The following EML6 variants were observed in gnomAD, a reference collection of about 807,000 sequenced individuals.
EML6 encodes the protein echinoderm microtubule-associated protein-like 6.
EML6 carries 154 observed loss-of-function variants against 240.1 expected under a neutral mutation model. That is an observed-to-expected ratio of 0.64 (90% CI 0.56 to 0.73). The LOEUF (loss-of-function observed/expected upper bound fraction) is 0.73. Ranked by LOEUF, EML6 falls within the 30% of genes least tolerant of loss-of-function variation. The probability of loss-of-function intolerance (pLI) is 0.00; values close to 1 mark genes in which losing one functional copy is unlikely to be tolerated. For missense variants in EML6, 2,964 were observed against 2,474.6 expected, an observed-to-expected ratio of 1.20 and a Z score of -4.20; for synonymous variants, 1,148 against 899.0, an observed-to-expected ratio of 1.28 and a Z score of -4.95.
intron 7 of EML6, among the ~76,000 whole-genome samples, chr2:54,836,690 A>G (rs1219927398): frequency 6.6e-6 from 1 of 152,128 alleles, no homozygotes; most frequent in Non-Finnish European, 1.5e-5. Flanking sequence ...AGGTCTGGGC[A>G]GTCACACAGG....
At chr2:54,942,789 C>T (rs1675493980) in intron 28 of EML6, among the ~76,000 whole-genome samples, 1 of 152,180 alleles carries the variant, frequency 6.6e-6, no homozygotes, top group Admixed American at 6.5e-5. Context: ...GTGTCTTAAC[C>T]AGCTGTCCTC....
intron 16 of EML6, among the ~76,000 whole-genome samples, chr2:54,872,470 C>G (rs1671306035): frequency 6.6e-6 from 1 of 152,182 alleles, no homozygotes; most frequent in South Asian, 2.1e-4. Flanking sequence ...CTCACTCTTT[C>G]ATCTATGCTA....
chr2:54,790,731 T>C (rs933744063), intron 2 of EML6, among the ~76,000 whole-genome samples: 1 of 149,458 alleles, frequency 6.7e-6, no homozygotes, highest in Non-Finnish European at 1.5e-5. Context: ...TTCCTTTTTT[T>C]TTTTTTTTTT....
At chr2:54,772,171 C>T (rs1668429744) in intron 2 of EML6, among the ~76,000 whole-genome samples, 1 of 152,140 alleles carries the variant, frequency 6.6e-6, no homozygotes, top group South Asian at 2.1e-4. Context: ...TGCTTTGTGC[C>T]AGACATTGTG....
chr2:54,923,383 A>G (rs1573150813), intron 26 of EML6, among the ~76,000 whole-genome samples: 1 of 151,486 alleles, frequency 6.6e-6, no homozygotes, highest in East Asian at 1.9e-4. Context: ...ACACACACAC[A>G]CACACACACA....
chr2:54,934,859 A>T (rs1410127760), intron 28 of EML6, among the ~76,000 whole-genome samples: 1 of 152,182 alleles, frequency 6.6e-6, no homozygotes, highest in Non-Finnish European at 1.5e-5. Context: ...CTCAAAAAAT[A>T]TATTTTTTTA....
chr2:54,900,467 A>G (rs1242786685), intron 22 of EML6, among the ~76,000 whole-genome samples: 1 of 152,212 alleles, frequency 6.6e-6, no homozygotes, highest in African/African-American at 2.4e-5. Flanking sequence ...GTGCAGCACT[A>G]TGCAGCTAGT....
intron 2 of EML6, among the ~76,000 whole-genome samples, chr2:54,751,109 C>G (rs1684146662): frequency 6.6e-6 from 1 of 152,192 alleles, no homozygotes; most frequent in African/African-American, 2.4e-5. Context: ...TGCTTGTTAT[C>G]TCTTTGAAAG....
chr2:54,947,400 T>C (rs1345603388), intron 28 of EML6, among the ~76,000 whole-genome samples: 3 of 152,180 alleles, frequency 2.0e-5, no homozygotes, highest in Non-Finnish European at 4.4e-5. Context: ...TCAGTGGTGA[T>C]TATAATACCG....
intron 28 of EML6, among the ~76,000 whole-genome samples, chr2:54,931,040 C>G (rs1674830200): frequency 6.9e-6 from 1 of 145,626 alleles, no homozygotes; most frequent in Admixed American, 7.3e-5. Context: ...TCACTGCAAG[C>G]TCCGCCTCCC....
chr2:54,729,475 A>T (rs560557456), intron 2 of EML6, among the ~76,000 whole-genome samples: 1 of 152,354 alleles, frequency 6.6e-6, no homozygotes, highest in Admixed American at 6.5e-5. Flanking sequence ...CTAAATGTGT[A>T]TATCGATTGA....
Position 54,957,896 on chromosome 2 carries a change from G to T in EML6, c.4593G>T (p.Lys1531Asn). ...QFVSVGVKHM[K>N]FWTLAGSALL... ...TATCTGTCGGGGTCAAACATATGAA[G>T]TTCTGGACCCTGGCAGGCAGCGCCT... is the stretch of plus-strand genomic sequence containing the variant. The change falls in exon 33 of 42, where the codon AAG becomes AAT. Residue 1531 changes from lysine to asparagine, a missense_variant. Lys to Asn is a moderately conservative substitution (Grantham distance 94, BLOSUM62 0). Transcript: ENST00000356458. 6.4e-7 allele frequency: 1 copy of T among 1,551,640 alleles called. No individual in the cohort carries two copies. The highest frequency in any genetic ancestry group is 8.7e-7 in the Non-Finnish European group (1 of 1,147,008).
chr2:54,930,479 C>G (rs1674793954), intron 28 of EML6, among the ~76,000 whole-genome samples: 1 of 151,688 alleles, frequency 6.6e-6, no homozygotes, highest in African/African-American at 2.4e-5. Flanking sequence ...TATACCCCAT[C>G]AGATAGGAAA....
chr2:54,914,258 A>G (rs1673791737), intron 25 of EML6, among the ~76,000 whole-genome samples: 1 of 152,218 alleles, frequency 6.6e-6, no homozygotes, highest in African/African-American at 2.4e-5. Flanking sequence ...TGTAAGGGCA[A>G]AAGACCTACA....
In EML6 at chr2:54,813,261, T is replaced by G; in HGVS notation, c.227T>G (p.Val76Gly). Residue 76 changes from valine to glycine, a missense_variant, in exon 3 of 42, where the codon GTT becomes GGT. Transcript: ENST00000356458. Reference protein sequence around the residue: ...SLALHPDKTLVATGQVGKEPY... With the variant: ...SLALHPDKTLGATGQVGKEPY... ...GCCTTACACCCAGACAAAACTCTCG[T>G]TGCAACTGGCCAAGTCGGGAAGGAG... The G allele has an allele frequency of 6.4e-7, 1 of 1,550,900 alleles. No individual in the cohort carries two copies. Among genetic ancestry groups the G allele is most frequent in the Non-Finnish European group, 8.7e-7 (1 of 1,146,610 alleles).
intron 2 of EML6, among the ~76,000 whole-genome samples, chr2:54,793,166 C>G (rs1199687348): frequency 6.6e-6 from 1 of 152,100 alleles, no homozygotes; most frequent in African/African-American, 2.4e-5. Flanking sequence ...ACTAGGGAGG[C>G]TGAGGCAGGA....
intron 28 of EML6, among the ~76,000 whole-genome samples, chr2:54,944,637 T>A (rs1675589166): frequency 6.6e-6 from 1 of 152,120 alleles, no homozygotes; most frequent in Non-Finnish European, 1.5e-5. Flanking sequence ...CCCCATTTTT[T>A]AAAACAACAA....
chr2:54,964,226 C>T, intron 37 of EML6, 68 bp downstream of exon 37: 1 of 1,466,920 alleles, frequency 6.8e-7, no homozygotes, highest in African/African-American at 1.4e-5. Flanking sequence ...GGTTCCCATT[C>T]CAGCCACGGC....
chr2:54,836,623 C>T (rs540052975), intron 7 of EML6, among the ~76,000 whole-genome samples: 8 of 152,058 alleles, frequency 5.3e-5, no homozygotes, highest in African/African-American at 1.9e-4. Context: ...CACACAGGAT[C>T]CCATTTAATC....
Sources: gnomAD v4.1 joint callset for allele counts (sites outside exome capture counted in the v4.1 genomes callset) on GRCh38, gnomAD v4.1.1 for gene constraint, MANE v1.5 for transcripts, NCBI Gene and HGNC (gene_info 2026-07-23, HGNC 2026-07-21) for gene names.